Variants in CPQ observed in about 807,000 individuals in gnomAD.
CPQ encodes the protein Ser-Met dipeptidase.
Under a neutral mutation model 45.7 loss-of-function variants are expected in CPQ, and 37 were observed. That is an observed-to-expected ratio of 0.81 (90% CI 0.62 to 1.07). The LOEUF (loss-of-function observed/expected upper bound fraction) is 1.07. Among genes scored for constraint, CPQ ranks in the 50% least tolerant of loss-of-function variants. The pLI is 0.00. For synonymous variants in CPQ, 186 were observed against 205.8 expected (o/e 0.90, Z 0.82); for missense variants, 537 against 572.9 (o/e 0.94, Z 0.64).
In CPQ at chr8:96,767,784, C is replaced by T. The variant is rs141404191; in HGVS notation, c.-34-17080C>T. On this transcript the variant is annotated intron_variant, in intron 1 of 7. Coordinates refer to ENST00000220763, the MANE Select transcript of CPQ (RefSeq NM_016134.4). ...TCAGCTTCCCAAGTAGCTGGGATTA[C>T]AGGCATGCGCCACCATGCTCGGCTA... is the stretch of plus-strand genomic sequence containing the variant. Among the ~76,000 whole-genome samples the T allele has an allele frequency of 7.1e-3, 1,077 of 151,864 alleles. 9 individuals carry two copies. Among genetic ancestry groups the T allele is most frequent in the Non-Finnish European group, 0.011 (748 of 67,962 alleles).
chr8:96,953,589 C>T (rs1323539426), intron 4 of CPQ, among the ~76,000 whole-genome samples: 1 of 152,062 alleles, frequency 6.6e-6, no homozygotes, highest in African/African-American at 2.4e-5. Context: ...TGTCTCTTTT[C>T]CAAACTCTTT....
chr8:96,707,770 T>G (rs971970625), intron 1 of CPQ, among the ~76,000 whole-genome samples: 1 of 152,136 alleles, frequency 6.6e-6, no homozygotes, highest in African/African-American at 2.4e-5. Flanking sequence ...TGGGTTTTAC[T>G]TGGCAAAAAA....
chr8:96,699,950 A>G (rs1276848594), intron 1 of CPQ, among the ~76,000 whole-genome samples: 2 of 152,140 alleles, frequency 1.3e-5, no homozygotes, highest in African/African-American at 4.8e-5. Context: ...TTTCTTGCCA[A>G]ATGTTGTGTT....
intron 2 of CPQ, among the ~76,000 whole-genome samples, chr8:96,821,672 C>T (rs548345429): frequency 6.6e-6 from 1 of 152,026 alleles, no homozygotes; most frequent in South Asian, 2.1e-4. Context: ...TCATGAACTT[C>T]TTGAAGACCC....
chr8:96,918,311 T>C lies in CPQ; in HGVS notation c.849+38306T>C, dbSNP rs115694365. On this transcript the variant is annotated intron_variant, in intron 4 of 7. Transcript: ENST00000220763. ...ATTTCCTATTATTGTAGGTAAGGAT[T>C]TAGCTTTATTGTACCTCCTTTCCCT... Among the ~76,000 whole-genome samples the C allele has an allele frequency of 9.0e-3, 1,370 of 152,286 alleles. 16 individuals are homozygous for C. Among genetic ancestry groups the C allele is most frequent in the African/African-American group, 0.031 (1,302 of 41,554 alleles).
chr8:96,932,287 A>G (rs1812984715), intron 4 of CPQ, among the ~76,000 whole-genome samples: 1 of 152,156 alleles, frequency 6.6e-6, no homozygotes, highest in Admixed American at 6.6e-5. Context: ...AAGTTTGTAT[A>G]TATTATTCCT....
At chr8:96,752,422 T>C (rs56952863) in intron 1 of CPQ, among the ~76,000 whole-genome samples, 25,030 of 152,026 alleles carry the variant, frequency 0.16, 2,418 homozygotes, top group African/African-American at 0.27. Flanking sequence ...ATGATTTGGC[T>C]CTGCTTGCCT....
intron 2 of CPQ, among the ~76,000 whole-genome samples, chr8:96,798,717 T>C (rs1810967402): frequency 6.6e-6 from 1 of 152,180 alleles, no homozygotes; most frequent in South Asian, 2.1e-4. Context: ...ATTTTTTTCT[T>C]TGAAGTCTTT....
At chr8:97,010,904 C>T (rs548886477) in intron 5 of CPQ, among the ~76,000 whole-genome samples, 3 of 152,196 alleles carry the variant, frequency 2.0e-5, no homozygotes, top group African/African-American at 7.2e-5. Flanking sequence ...TTTTATTTTA[C>T]AATCATCTTG....
chr8:96,973,587 A>G (rs1343064823), intron 5 of CPQ, among the ~76,000 whole-genome samples: 1 of 152,184 alleles, frequency 6.6e-6, no homozygotes, highest in African/African-American at 2.4e-5. Context: ...TAAAGTCAAG[A>G]TAAAGGAAGG....
At chr8:96,972,668 C>T (rs1012656182) in intron 5 of CPQ, among the ~76,000 whole-genome samples, 5 of 152,216 alleles carry the variant, frequency 3.3e-5, no homozygotes, top group African/African-American at 9.6e-5. Context: ...CAGGTGCTGG[C>T]ATCCATGGCT....
At chr8:96,710,223 A>G (rs1809588483) in intron 1 of CPQ, among the ~76,000 whole-genome samples, 1 of 151,876 alleles carries the variant, frequency 6.6e-6, no homozygotes, top group African/African-American at 2.4e-5. Flanking sequence ...TTTCCGTGCT[A>G]TTGGTTGTAA....
chr8:97,103,152 T>C (rs1370784811), intron 7 of CPQ, among the ~76,000 whole-genome samples: 1 of 152,172 alleles, frequency 6.6e-6, no homozygotes, highest in Non-Finnish European at 1.5e-5. Context: ...TCAACCATCT[T>C]AAAATCCTTA....
intron 1 of CPQ, among the ~76,000 whole-genome samples, chr8:96,749,980 C>A (rs1810237458): frequency 6.6e-6 from 1 of 151,638 alleles, no homozygotes; most frequent in Non-Finnish European, 1.5e-5. Context: ...TTAATCTATA[C>A]AAGGTAATAT....
At position 96,784,992 on chromosome 8, in the gene CPQ, C is replaced by G; in HGVS notation, c.95C>G (p.Thr32Ser). The G allele has an allele frequency of 1.9e-6, 3 of 1,613,666 alleles. No homozygotes were observed. The highest frequency in any genetic ancestry group is 4.5e-5 in the East Asian group (2 of 44,844). ...AICKNGISKR[T>S]FEEIKEEIAS... is the part of the protein sequence containing the mutation. ...TGCAAGAATGGCATCTCTAAGAGGA[C>G]TTTTGAAGAAATAAAAGAAGAAATA... is the stretch of plus-strand genomic sequence containing the variant. The change falls in exon 2 of 8, where the codon ACT (threonine) becomes AGT (serine). Residue 32 changes from threonine (T) to serine (S), a missense_variant. By Grantham distance (58) the Thr-to-Ser change is moderately conservative. Coordinates refer to ENST00000220763, the MANE Select transcript of CPQ (RefSeq NM_016134.4).
intron 7 of CPQ, among the ~76,000 whole-genome samples, chr8:97,104,442 T>C (rs888234899): frequency 3.0e-4 from 45 of 152,300 alleles, no homozygotes; most frequent in Admixed American, 2.2e-3. Context: ...TGGTAAATCA[T>C]AGTAGCCTCT....
chr8:97,028,065 A>G (rs1024459223), intron 5 of CPQ, among the ~76,000 whole-genome samples: 1 of 152,198 alleles, frequency 6.6e-6, no homozygotes, highest in African/African-American at 2.4e-5. Context: ...GGAAACACCA[A>G]TGGGATTGCT....
intron 7 of CPQ, among the ~76,000 whole-genome samples, chr8:97,141,274 A>G (rs1022887931): frequency 3.9e-5 from 6 of 152,126 alleles, no homozygotes; most frequent in Non-Finnish European, 4.4e-5. Context: ...GGGAAATGAT[A>G]TATACAAACT....
At chr8:96,892,128 A>G (rs1309828676) in intron 4 of CPQ, among the ~76,000 whole-genome samples, 1 of 152,240 alleles carries the variant, frequency 6.6e-6, no homozygotes, top group Non-Finnish European at 1.5e-5. Context: ...AAAGACAAAG[A>G]CATGGCTTTT....
Sources: allele counts gnomAD v4.1 joint callset (sites outside exome capture counted in the v4.1 genomes callset), GRCh38; gene constraint gnomAD v4.1.1; transcripts MANE v1.5; gene names NCBI Gene and HGNC (gene_info 2026-07-23, HGNC 2026-07-21).